The following FOXO1 variants were observed in gnomAD, a reference collection of about 807,000 sequenced individuals.
FOXO1 encodes the protein forkhead box protein O1.
FOXO1 carries 6 observed loss-of-function variants against 44.1 expected under a neutral mutation model. That is an observed-to-expected ratio of 0.14 (90% CI 0.07 to 0.27). FOXO1 has a LOEUF of 0.27. Among genes scored for constraint, FOXO1 ranks in the 10% least tolerant of loss-of-function variants. The pLI is 1.00. For missense variants in FOXO1, 737 were observed against 888.8 expected (o/e 0.83, Z 2.17); for synonymous variants, 380 against 362.7 (o/e 1.05, Z -0.54).
chr13:40,627,769 G>A (rs1360594521), intron 1 of FOXO1, among the ~76,000 whole-genome samples: 1 of 151,608 alleles, frequency 6.6e-6, no homozygotes, highest in African/African-American at 2.4e-5. Flanking sequence ...GGAGGCAGAG[G>A]TTGCAGTGAG....
In FOXO1 at chr13:40,618,917, G is replaced by GA. The variant is rs1326663914; in HGVS notation, c.630+46665dup. 9.5e-6 allele frequency: 5 copies of GA among 526,404 alleles called. No homozygotes were observed. The African/African-American group carries it at 9.6e-5, about 10-fold the overall frequency. 32.6% of individuals were successfully genotyped at this position (526,404 alleles called of 1,614,324 possible). A position where few individuals can be genotyped will look rare whatever the true frequency, so the allele number is the denominator to read the frequency against. On this transcript the variant is annotated intron_variant, in intron 1 of 2. Transcript: ENST00000379561. The stretch of plus-strand genomic sequence containing the variant: ...CCATAATCTTTTAGGCTCCCCTAGA[G>GA]AAATAACATCAGAAGAACTGCAACA...
intron 1 of FOXO1, among the ~76,000 whole-genome samples, chr13:40,626,395 C>T (rs867518023): frequency 6.6e-6 from 1 of 152,242 alleles, no homozygotes; most frequent in African/African-American, 2.4e-5. Flanking sequence ...AGCCTAATGA[C>T]CTCTAAAGCT....
chr13:40,643,623 A>G (rs907043660), intron 1 of FOXO1, among the ~76,000 whole-genome samples: 2 of 152,120 alleles, frequency 1.3e-5, no homozygotes, highest in African/African-American at 4.8e-5. Context: ...CTTGCTACAC[A>G]ATTACTAGGA....
intron 1 of FOXO1, among the ~76,000 whole-genome samples, chr13:40,561,247 G>A (rs550394648): frequency 6.6e-6 from 1 of 151,456 alleles, no homozygotes; most frequent in South Asian, 2.1e-4. Flanking sequence ...AGCTACTCGG[G>A]AGGCTGGGGC....
chr13:40,611,162 A>G lies in FOXO1; in HGVS notation c.631-50302T>C, dbSNP rs1049103118. On this transcript the variant is annotated intron_variant, in intron 1 of 2. Coordinates refer to ENST00000379561, the MANE Select transcript of FOXO1 (RefSeq NM_002015.4). ...TAAAATGAGTGAGCAATATATTCTC[A>G]GAACAATGAGTTTTGTTCTACCCTG... is the stretch of plus-strand genomic sequence containing the variant. 2.7e-5 allele frequency: 11 copies of G among 409,518 alleles called. No individual in the cohort carries two copies. The Admixed American group carries it at 3.1e-4, about 12-fold the overall frequency. 25.4% of individuals were successfully genotyped at this position (409,518 alleles called of 1,614,324 possible).
intron 1 of FOXO1, among the ~76,000 whole-genome samples, chr13:40,607,014 C>A (rs1386409352): frequency 1.3e-5 from 2 of 152,132 alleles, no homozygotes; most frequent in Non-Finnish European, 2.9e-5. Flanking sequence ...GTTAGGCCCC[C>A]AAAAAATATT....
At chr13:40,568,904 T>C (rs139907879) in intron 1 of FOXO1, among the ~76,000 whole-genome samples, 1 of 150,772 alleles carries the variant, frequency 6.6e-6, no homozygotes, top group Non-Finnish European at 1.5e-5. Context: ...TTCAGAGAGA[T>C]TACAACGCAG....
intron 1 of FOXO1, among the ~76,000 whole-genome samples, chr13:40,656,724 T>C (rs1877871042): frequency 1.3e-5 from 2 of 152,360 alleles, no homozygotes; most frequent in African/African-American, 2.4e-5. Context: ...AAAACAAAGA[T>C]ATCATTTGAT....
chr13:40,593,614 A>T (rs147280691), intron 1 of FOXO1, among the ~76,000 whole-genome samples: 4 of 152,306 alleles, frequency 2.6e-5, no homozygotes, highest in African/African-American at 9.6e-5. Flanking sequence ...ATTACTTACT[A>T]AACATACCAA....
chr13:40,624,315 C>T (rs1876713173), intron 1 of FOXO1, among the ~76,000 whole-genome samples: 1 of 52,454 alleles, frequency 1.9e-5, no homozygotes, highest in Admixed American at 2.0e-4. Context: ...ACTAATACTG[C>T]TTAAAAAAAA....
chr13:40,565,793 G>C (rs1593380389), intron 1 of FOXO1, among the ~76,000 whole-genome samples: 1 of 152,190 alleles, frequency 6.6e-6, no homozygotes, highest in African/African-American at 2.4e-5. Context: ...TGGCATAATA[G>C]CATCCATAAA....
chr13:40,664,196 CAG>C lies in FOXO1; in HGVS notation c.630+1385_630+1386del, dbSNP rs1469898770. Among the ~76,000 whole-genome samples the C allele has an allele frequency of 7.9e-5, 12 of 152,282 alleles. No individual in the cohort carries two copies. The East Asian group carries it at 1.5e-3, about 20-fold the overall frequency. ...GCTGAGACAGGAGAATCGCTTGAAC[CAG>C]AGAGTCGGAGGTTGCAGTGAGCCGA... On this transcript the variant is annotated intron_variant, in intron 1 of 2. Coordinates refer to ENST00000379561, the MANE Select transcript of FOXO1 (RefSeq NM_002015.4).
At chr13:40,637,443 C>CAAAAAAAAAAA (rs894457880) in intron 1 of FOXO1, among the ~76,000 whole-genome samples, 1 of 52,578 alleles carries the variant, frequency 1.9e-5, no homozygotes, top group Admixed American at 2.5e-4. Context: ...GACTCCATCA[C>CAAAAAAAAAAA]AAAAAAAAAA....
At chr13:40,612,430 C>T (rs751019659) in intron 1 of FOXO1, among the ~76,000 whole-genome samples, 6 of 152,208 alleles carry the variant, frequency 3.9e-5, no homozygotes, top group African/African-American at 1.4e-4. Context: ...CAGGATGACA[C>T]CTCAGGTTTT....
In FOXO1 at chr13:40,640,758, TTTGTTGTTG is replaced by T. The variant is rs142761112; in HGVS notation, c.630+24816_630+24824del. Among the ~76,000 whole-genome samples the T allele has an allele frequency of 8.8e-4, 124 of 140,530 alleles. 3 individuals carry two copies. Among genetic ancestry groups the T allele is most frequent in the East Asian group, 8.3e-3 (38 of 4,596 alleles). The allele number at this position is 140,530 out of a possible 152,430, so 92.2% of individuals were successfully genotyped here. On this transcript the variant is annotated intron_variant, in intron 1 of 2. Coordinates refer to ENST00000379561, the MANE Select transcript of FOXO1 (RefSeq NM_002015.4). Reference sequence around the variant, plus strand: ...AAACAGGTCAGTGTTTGTTATTTCTTTTGTTGTTGTTGTTGTTGTTGTTGTTGTTGTTGT... The same window carrying T: ...AAACAGGTCAGTGTTTGTTATTTCTTTTGTTGTTGTTGTTGTTGTTGTTGT...
chr13:40,643,697 G>A (rs1011268510), intron 1 of FOXO1, among the ~76,000 whole-genome samples: 4 of 151,842 alleles, frequency 2.6e-5, no homozygotes, highest in East Asian at 1.9e-4. Context: ...ATGTTTTTAT[G>A]TAAAAATATT....
chr13:40,598,728 C>T (rs1324535553), intron 1 of FOXO1, among the ~76,000 whole-genome samples: 1 of 152,200 alleles, frequency 6.6e-6, no homozygotes, highest in Non-Finnish European at 1.5e-5. Flanking sequence ...GTTCTGAGGC[C>T]AGCAGCACTG....
intron 1 of FOXO1, among the ~76,000 whole-genome samples, chr13:40,649,145 A>G (rs1396536540): frequency 6.6e-6 from 1 of 152,230 alleles, no homozygotes; most frequent in Non-Finnish European, 1.5e-5. Flanking sequence ...CACAGAAACA[A>G]GCCTCATAGG....
intron 1 of FOXO1, among the ~76,000 whole-genome samples, chr13:40,603,948 A>G (rs1464585568): frequency 6.6e-6 from 1 of 152,170 alleles, no homozygotes; most frequent in Non-Finnish European, 1.5e-5. Flanking sequence ...GCCATATACA[A>G]TCATGAAGTG....
Sources: allele counts gnomAD v4.1 joint callset (sites outside exome capture counted in the v4.1 genomes callset), GRCh38; gene constraint gnomAD v4.1.1; transcripts MANE v1.5; gene names NCBI Gene and HGNC (gene_info 2026-07-23, HGNC 2026-07-21).